Variants in BRINP1 observed in about 807,000 individuals in gnomAD.
BRINP1 encodes BMP/retinoic acid-inducible neural-specific protein 1.
In BRINP1, 17 loss-of-function variants were observed where a neutral mutation model predicts 72.9. That is an observed-to-expected ratio of 0.23 (90% CI 0.16 to 0.35). BRINP1 has a LOEUF of 0.35. Ranked by LOEUF, BRINP1 falls within the 10% of genes least tolerant of loss-of-function variation. The pLI, the probability that BRINP1 is intolerant of heterozygous loss-of-function variation, is 1.00. For synonymous variants in BRINP1, 418 were observed against 378.5 expected (o/e 1.10, Z -1.21); for missense variants, 850 against 1,001.6 (o/e 0.85, Z 2.04).
chr9:119,285,460 GA>G (rs2118967052), intron 2 of BRINP1, among the ~76,000 whole-genome samples: 1 of 152,282 alleles, frequency 6.6e-6, no homozygotes, highest in African/African-American at 2.4e-5. Context: ...TTTTATAGAT[GA>G]GCACGCACTG....
intron 2 of BRINP1, among the ~76,000 whole-genome samples, chr9:119,287,638 T>C (rs1830776347): frequency 6.6e-6 from 1 of 152,132 alleles, no homozygotes; most frequent in Non-Finnish European, 1.5e-5. Flanking sequence ...GAAGTAACAG[T>C]CAAGTGCAAA....
intron 1 of BRINP1, among the ~76,000 whole-genome samples, chr9:119,366,126 C>CA (rs1450993286): frequency 1.3e-5 from 2 of 151,888 alleles, no homozygotes; most frequent in Non-Finnish European, 2.9e-5. Flanking sequence ...TGGAGGTTCT[C>CA]TTTTTTGGAA....
intron 2 of BRINP1, among the ~76,000 whole-genome samples, chr9:119,295,077 C>T (rs10984470): frequency 0.27 from 40,975 of 151,714 alleles, 6,387 homozygotes; most frequent in Non-Finnish European, 0.35. Flanking sequence ...GGAACAAAGA[C>T]GAATGCATCC....
intron 7 of BRINP1, among the ~76,000 whole-genome samples, chr9:119,183,316 CACA>C (rs1364915914): frequency 6.6e-6 from 1 of 151,994 alleles, no homozygotes; most frequent in East Asian, 1.9e-4. Flanking sequence ...ATGAGTGAGC[CACA>C]ACTACACAAA....
intron 5 of BRINP1, among the ~76,000 whole-genome samples, chr9:119,225,398 T>A (rs1830079841): frequency 6.6e-6 from 1 of 150,814 alleles, no homozygotes; most frequent in South Asian, 2.1e-4. Flanking sequence ...AATCCATGAA[T>A]GCTCAAGTCC....
chr9:119,266,528 A>C (rs1367803273), intron 2 of BRINP1, among the ~76,000 whole-genome samples: 1 of 152,192 alleles, frequency 6.6e-6, no homozygotes, highest in African/African-American at 2.4e-5. Context: ...TTTTTAATTT[A>C]TTTCTTTAGC....
At chr9:119,353,155 T>C (rs1313044038) in intron 1 of BRINP1, among the ~76,000 whole-genome samples, 4 of 152,260 alleles carry the variant, frequency 2.6e-5, no homozygotes. Context: ...CTCAGCTATT[T>C]CTTTTCCTTT....
At chr9:119,326,111 C>T (rs1831237489) in intron 1 of BRINP1, among the ~76,000 whole-genome samples, 1 of 152,188 alleles carries the variant, frequency 6.6e-6, no homozygotes, top group Non-Finnish European at 1.5e-5. Flanking sequence ...TCCCATAAGA[C>T]ATTAAATTGC....
chr9:119,307,974 G>A (rs149740942), intron 2 of BRINP1, among the ~76,000 whole-genome samples: 2 of 152,156 alleles, frequency 1.3e-5, no homozygotes, highest in East Asian at 1.9e-4. Context: ...CTTTCACTAC[G>A]TACAAGCTGT....
At chr9:119,355,786 T>C (rs1020913311) in intron 1 of BRINP1, among the ~76,000 whole-genome samples, 2 of 151,956 alleles carry the variant, frequency 1.3e-5, no homozygotes, top group African/African-American at 2.4e-5. Context: ...TGTACAAATG[T>C]GCTTTCCTAA....
Position 119,166,758 on chromosome 9 carries a change from C to T in BRINP1, c.*326G>A, listed in dbSNP as rs1829317143. On this transcript the variant is annotated 3_prime_UTR_variant, in exon 8 of 8. Transcript: ENST00000265922. ...GTGTTTAATCTTAGCACCTGCACAG[C>T]AGAGATCTTTACAATTCATTGCATA... 1 of 239,230 alleles carries T rather than the reference C, an allele frequency of 4.2e-6. No homozygotes were observed. The highest frequency in any genetic ancestry group is 8.0e-5 in the South Asian group (1 of 12,450). The allele number at this position is 239,230 out of a possible 1,614,324, so 14.8% of individuals were successfully genotyped here. A position where few individuals can be genotyped will look rare whatever the true frequency, so the allele number is the denominator to read the frequency against.
At chr9:119,347,400 C>T (rs1379917774) in intron 1 of BRINP1, among the ~76,000 whole-genome samples, 1 of 152,156 alleles carries the variant, frequency 6.6e-6, no homozygotes, top group Non-Finnish European at 1.5e-5. Flanking sequence ...AATCATACCT[C>T]TTTCACAGGA....
At chr9:119,291,186 G>C (rs960293540) in intron 2 of BRINP1, among the ~76,000 whole-genome samples, 1 of 151,646 alleles carries the variant, frequency 6.6e-6, no homozygotes, top group Non-Finnish European at 1.5e-5. Context: ...CAGAAACAGT[G>C]CTCCTTTCAG....
chr9:119,285,394 A>G (rs770255872), intron 2 of BRINP1, among the ~76,000 whole-genome samples: 24 of 152,184 alleles, frequency 1.6e-4, no homozygotes, highest in Non-Finnish European at 3.2e-4. Context: ...ATTTGATTCA[A>G]CCATTTATAT....
At chr9:119,173,767 C>G (rs1286054987) in intron 7 of BRINP1, among the ~76,000 whole-genome samples, 3 of 146,224 alleles carry the variant, frequency 2.1e-5, no homozygotes, top group East Asian at 3.9e-4. Context: ...GTAACCAAAA[C>G]AGCATGGTAC....
rs1353848986 is a variant in BRINP1, at chr9:119,368,999, C to T, written c.-51+57G>A. 5.1e-6 allele frequency: 2 copies of T among 392,402 alleles called. No homozygotes were observed. The highest frequency in any genetic ancestry group is 2.1e-5 in the African/African-American group (1 of 48,530). The allele number at this position is 392,402 out of a possible 1,614,324, so 24.3% of individuals were successfully genotyped here. On this transcript the variant is annotated intron_variant, in intron 1 of 7. Transcript: ENST00000265922. The surrounding 1 kb of genome is among the most constrained non-coding windows in gnomAD (Gnocchi z 4.7). ...GCGCGGGGACGCCCCGAATGCGGCC[C>T]GGGGCCGGGTCCAAGGGCAGCGGGG... is the stretch of plus-strand genomic sequence containing the variant.
intron 2 of BRINP1, among the ~76,000 whole-genome samples, chr9:119,277,229 G>C (rs7856309): frequency 0.26 from 39,380 of 152,098 alleles, 5,279 homozygotes; most frequent in Non-Finnish European, 0.26. Flanking sequence ...GAAGTTTTCT[G>C]TCTTTATTTT....
intron 1 of BRINP1, among the ~76,000 whole-genome samples, chr9:119,337,752 A>G (rs918625249): frequency 2.6e-5 from 4 of 152,198 alleles, no homozygotes; most frequent in Admixed American, 2.0e-4. Context: ...TGCCTCTTGG[A>G]CTTAGTTCAA....
intron 2 of BRINP1, among the ~76,000 whole-genome samples, chr9:119,249,720 G>A (rs980914790): frequency 6.6e-6 from 1 of 151,688 alleles, no homozygotes; most frequent in African/African-American, 2.4e-5. Flanking sequence ...ATCTTCTTAG[G>A]CACTCCCTAA....
Sources: allele counts gnomAD v4.1 joint callset (sites outside exome capture counted in the v4.1 genomes callset), GRCh38; gene constraint gnomAD v4.1.1; non-coding constraint Gnocchi (gnomAD v3.1); transcripts MANE v1.5; gene names NCBI Gene and HGNC (gene_info 2026-07-23, HGNC 2026-07-21).